Variants in ME1 observed in about 807,000 individuals in gnomAD.
The protein encoded by ME1 is malic enzyme 1.
A neutral mutation model predicts 66.4 loss-of-function variants in ME1; 74 were observed. The observed-to-expected ratio is 1.11, with a 90% CI of 0.92 to 1.35. The LOEUF is 1.35. Among genes scored for constraint, ME1 ranks in the 40% most tolerant of loss-of-function variants. The pLI, the probability that ME1 is intolerant of heterozygous loss-of-function variation, is 0.00. For missense variants in ME1, 750 were observed against 694.1 expected, an observed-to-expected ratio of 1.08 and a Z score of -0.90; for synonymous variants, 251 against 235.6, an observed-to-expected ratio of 1.07 and a Z score of -0.60.
Position 83,315,378 on chromosome 6 carries a change from C to A in ME1, c.636G>T (p.Arg212=), listed in dbSNP as rs749743632. 3.7e-6 allele frequency: 6 copies of A among 1,611,274 alleles called. No individual in the cohort carries two copies. In the East Asian group the frequency reaches 6.7e-5, roughly 18 times the overall value. The part of the protein sequence containing the change: ...LLKDPLYIGL[R]QRRVRGSEYD... ...ATTCAGAACCTCTTACTCTTCTCTG[C>A]CGTAGTCCAATGTAGAGTGGATCTT... is the stretch of plus-strand genomic sequence containing the variant. Residue 212 remains arginine (R), a synonymous_variant, in exon 6 of 14, where the codon CGG becomes CGT. Coordinates refer to ENST00000369705, the MANE Select transcript of ME1 (RefSeq NM_002395.6).
At chr6:83,344,627 T>C (rs1768652571) in intron 5 of ME1, among the ~76,000 whole-genome samples, 2 of 152,056 alleles carry the variant, frequency 1.3e-5, no homozygotes, top group Admixed American at 6.6e-5. Flanking sequence ...CTCACGCCGG[T>C]AATCCCAGCA....
chr6:83,277,068 A>T (rs1453485400), intron 6 of ME1, among the ~76,000 whole-genome samples: 2 of 152,242 alleles, frequency 1.3e-5, no homozygotes, highest in Non-Finnish European at 2.9e-5. Flanking sequence ...ATCCCACCTC[A>T]AAGAAATATT....
At position 83,227,492 on chromosome 6, in the gene ME1, T is replaced by A. The variant is rs746354095; in HGVS notation, c.1133-15A>T. The A allele has an allele frequency of 3.8e-6, 6 of 1,583,496 alleles. No homozygotes were observed. Among genetic ancestry groups the A allele is most frequent in the Non-Finnish European group, 4.3e-6 (5 of 1,160,996 alleles). Reference sequence around the variant, plus strand: ...TGCAGCAACTCCTAATGAAGAAATATGAAGCTGGTAATTAACACTATCATT... The same window carrying A: ...TGCAGCAACTCCTAATGAAGAAATAAGAAGCTGGTAATTAACACTATCATT... On this transcript the variant is annotated splice_polypyrimidine_tract_variant and intron_variant, in intron 10 of 13. Transcript: ENST00000369705.
intron 6 of ME1, among the ~76,000 whole-genome samples, chr6:83,306,209 A>G (rs984033103): frequency 4.5e-4 from 68 of 152,158 alleles, no homozygotes; most frequent in African/African-American, 1.6e-3. Flanking sequence ...ATGTGGGACT[A>G]TAGATGGAAA....
At chr6:83,385,933 T>G (rs542528786) in intron 3 of ME1, among the ~76,000 whole-genome samples, 1 of 151,802 alleles carries the variant, frequency 6.6e-6, no homozygotes, top group South Asian at 2.1e-4. Context: ...TAAATAAAAA[T>G]CCACTTTTAA....
intron 6 of ME1, among the ~76,000 whole-genome samples, chr6:83,256,365 A>T (rs923690890): frequency 6.6e-6 from 1 of 152,192 alleles, no homozygotes; most frequent in Non-Finnish European, 1.5e-5. Context: ...AAGGGCTAAG[A>T]GAAAATAACT....
chr6:83,288,213 A>G (rs1767432764), intron 6 of ME1, among the ~76,000 whole-genome samples: 1 of 151,882 alleles, frequency 6.6e-6, no homozygotes, highest in African/African-American at 2.4e-5. Context: ...GGTGTTTTAG[A>G]CATGAAGTAT....
chr6:83,418,777 A>T (rs1188783933), intron 1 of ME1, among the ~76,000 whole-genome samples: 1 of 152,244 alleles, frequency 6.6e-6, no homozygotes, highest in Non-Finnish European at 1.5e-5. Context: ...AGGATATTAT[A>T]TGAAAAGCTA....
At chr6:83,419,188 G>C (rs1179428422) in intron 1 of ME1, among the ~76,000 whole-genome samples, 2 of 152,116 alleles carry the variant, frequency 1.3e-5, no homozygotes, top group Non-Finnish European at 1.5e-5. Context: ...AAAATGTTGT[G>C]AGTTTAGCAA....
intron 8 of ME1, among the ~76,000 whole-genome samples, chr6:83,238,390 T>A (rs561431824): frequency 6.6e-6 from 1 of 152,188 alleles, no homozygotes; most frequent in Non-Finnish European, 1.5e-5. Context: ...ATTTCCAATA[T>A]CTTTCCAGGG....
chr6:83,418,632 G>A (rs910981640), intron 1 of ME1, among the ~76,000 whole-genome samples: 2 of 152,170 alleles, frequency 1.3e-5, no homozygotes, highest in African/African-American at 2.4e-5. Flanking sequence ...CAAGTTGACA[G>A]ATAAAATTAA....
intron 6 of ME1, among the ~76,000 whole-genome samples, chr6:83,293,122 T>G (rs1462189469): frequency 6.6e-6 from 1 of 152,166 alleles, no homozygotes; most frequent in Non-Finnish European, 1.5e-5. Context: ...CACCCTGCCC[T>G]GCTTCAGCTT....
chr6:83,392,737 G>A, intron 3 of ME1: 1 of 639,558 alleles, frequency 1.6e-6, no homozygotes, highest in Admixed American at 1.8e-5. Flanking sequence ...CATGGAGAAG[G>A]CTGGGGCTCA....
At chr6:83,316,748 C>T (rs1478655232) in intron 5 of ME1, among the ~76,000 whole-genome samples, 1 of 151,702 alleles carries the variant, frequency 6.6e-6, no homozygotes, top group Non-Finnish European at 1.5e-5. Flanking sequence ...AGTAAATATA[C>T]ACAAATCAAT....
chr6:83,357,974 T>TATATATATATATA (rs1768931234), intron 3 of ME1, among the ~76,000 whole-genome samples: 24 of 123,568 alleles, frequency 1.9e-4, no homozygotes, highest in Admixed American at 3.6e-4. Context: ...TATATATATA[T>TATATATATATATA]TTCATTAGTT....
rs1368934068 is a variant in ME1 at position 83,210,589 on chromosome 6, C to G, written c.*1335G>C. ...GACTATATGTTACCTTTAGAAATAC[C>G]TTAACCTCTTCTGCTCATACCTAAA... On this transcript the variant is annotated 3_prime_UTR_variant, in exon 14 of 14. Transcript: ENST00000369705. 1.3e-5 allele frequency: 2 copies of G among 152,298 alleles called. No homozygotes were observed. Among genetic ancestry groups the G allele is most frequent in the Non-Finnish European group, 2.9e-5 (2 of 68,008 alleles). 9.4% of individuals were successfully genotyped at this position (152,298 alleles called of 1,614,324 possible). A position where few individuals can be genotyped will look rare whatever the true frequency, so the allele number is the denominator to read the frequency against.
At chr6:83,345,969 A>G (rs1768676797) in intron 5 of ME1, among the ~76,000 whole-genome samples, 1 of 152,222 alleles carries the variant, frequency 6.6e-6, no homozygotes, top group Admixed American at 6.5e-5. Flanking sequence ...AGGGAAGCAA[A>G]TAAAAGATTA....
intron 3 of ME1, among the ~76,000 whole-genome samples, chr6:83,371,844 CTGTACTA>C (rs950061990): frequency 6.6e-5 from 10 of 152,114 alleles, no homozygotes; most frequent in Non-Finnish European, 1.0e-4. Flanking sequence ...AAAATTATAG[CTGTACTA>C]TTATCATATC....
chr6:83,218,389 A>G (rs1460018513), intron 12 of ME1, among the ~76,000 whole-genome samples: 1 of 152,136 alleles, frequency 6.6e-6, no homozygotes, highest in Non-Finnish European at 1.5e-5. Flanking sequence ...GTCCTCAAGG[A>G]AAGACTGGGG....
Sources: allele counts gnomAD v4.1 joint callset (sites outside exome capture counted in the v4.1 genomes callset), GRCh38; gene constraint gnomAD v4.1.1; transcripts MANE v1.5; gene names NCBI Gene and HGNC (gene_info 2026-07-23, HGNC 2026-07-21).